ADAM12: variants seen among roughly 807,000 people sequenced by gnomAD.
The protein encoded by ADAM12 is ADAM metallopeptidase domain 12, also known as disintegrin and metalloproteinase domain-containing protein 12.
A neutral mutation model predicts 106.4 loss-of-function variants in ADAM12; 70 were observed. That is an observed-to-expected ratio of 0.66 (90% CI 0.54 to 0.80). The LOEUF (loss-of-function observed/expected upper bound fraction) is 0.80. ADAM12 is among the 30% of genes least tolerant of loss of function. The probability of loss-of-function intolerance (pLI) is 0.00; values close to 1 mark genes in which losing one functional copy is unlikely to be tolerated. For synonymous variants in ADAM12, 420 were observed against 433.5 expected, an observed-to-expected ratio of 0.97 and a Z score of 0.39; for missense variants, 1,010 against 1,171.9, an observed-to-expected ratio of 0.86 and a Z score of 2.02.
At chr10:126,374,548 AAAAGT>A (rs1856213020) in intron 1 of ADAM12, among the ~76,000 whole-genome samples, 1 of 152,244 alleles carries the variant, frequency 6.6e-6, no homozygotes, top group South Asian at 2.1e-4. Context: ...CCATACGTGA[AAAAGT>A]AAAGATATTG....
chr10:126,201,932 G>A (rs938472346), intron 3 of ADAM12, among the ~76,000 whole-genome samples: 12 of 152,314 alleles, frequency 7.9e-5, no homozygotes, highest in East Asian at 1.9e-4. Flanking sequence ...GTTCAGCAAC[G>A]TTGTCGTTCA....
At chr10:126,165,437 G>A (rs1040614731) in intron 3 of ADAM12, among the ~76,000 whole-genome samples, 15 of 152,230 alleles carry the variant, frequency 9.9e-5, no homozygotes, top group African/African-American at 3.4e-4. Flanking sequence ...GATTACAGGC[G>A]TGAGCCACGG....
intron 11 of ADAM12, among the ~76,000 whole-genome samples, chr10:126,072,887 A>G (rs1955025512): frequency 6.6e-6 from 1 of 152,146 alleles, no homozygotes; most frequent in South Asian, 2.1e-4. Flanking sequence ...ATCTCAATCA[A>G]TTGGCCAAAC....
At chr10:126,077,814 T>A (rs1054789428) in intron 11 of ADAM12, among the ~76,000 whole-genome samples, 1 of 152,178 alleles carries the variant, frequency 6.6e-6, no homozygotes, top group Non-Finnish European at 1.5e-5. Context: ...CCCACCTTTT[T>A]ATTTTTTTAA....
chr10:126,384,304 A>C (rs1213533550), intron 1 of ADAM12, among the ~76,000 whole-genome samples: 1 of 152,178 alleles, frequency 6.6e-6, no homozygotes, highest in Admixed American at 6.5e-5. Flanking sequence ...TTTGCAGCTG[A>C]AAGCATCCCT....
chr10:126,088,360 GC>G (rs1955396664), intron 11 of ADAM12, among the ~76,000 whole-genome samples: 1 of 152,084 alleles, frequency 6.6e-6, no homozygotes, highest in African/African-American at 2.4e-5. Flanking sequence ...CCTGTAGCAA[GC>G]TTGTCCTGAG....
intron 2 of ADAM12, among the ~76,000 whole-genome samples, chr10:126,322,878 T>A (rs1163646663): frequency 2.0e-5 from 3 of 152,154 alleles, no homozygotes; most frequent in African/African-American, 7.2e-5. Context: ...AGCTTTTACC[T>A]CTCCAAATCC....
intron 3 of ADAM12, among the ~76,000 whole-genome samples, chr10:126,268,732 G>A (rs146119493): frequency 1.3e-5 from 2 of 152,220 alleles, no homozygotes; most frequent in Non-Finnish European, 2.9e-5. Context: ...TCAAGATAAC[G>A]AGTTTGAAGT....
In ADAM12 at chr10:126,017,356, G is replaced by GA. The variant is rs541574979; in HGVS notation, c.2661-18dup. ...GGAGCAGGTCTGAATGAAGAGAGGA[G>GA]AAAAAAAAATGATCAGAGACCTTGA... On this transcript the variant is annotated splice_polypyrimidine_tract_variant and intron_variant, in intron 22 of 22. Transcript: ENST00000448723. 1.9e-3 allele frequency: 2,949 copies of GA among 1,536,286 alleles called. 7 individuals carry two copies. The highest frequency in any genetic ancestry group is 2.0e-3 in the Non-Finnish European group (2,278 of 1,134,696).
intron 21 of ADAM12, among the ~76,000 whole-genome samples, chr10:126,024,405 ATT>A (rs1391263154): frequency 2.6e-5 from 4 of 152,174 alleles, no homozygotes; most frequent in African/African-American, 9.6e-5. Context: ...ACTTTTCTAT[ATT>A]TTAAATATTT....
intron 3 of ADAM12, among the ~76,000 whole-genome samples, chr10:126,218,076 A>G (rs950917964): frequency 2.6e-5 from 4 of 151,956 alleles, no homozygotes; most frequent in African/African-American, 9.7e-5. Flanking sequence ...GGTACTAGGT[A>G]CTTCAGTCAC....
At chr10:126,155,619 C>T (rs1462303386) in intron 3 of ADAM12, among the ~76,000 whole-genome samples, 3 of 152,166 alleles carry the variant, frequency 2.0e-5, no homozygotes, top group Non-Finnish European at 4.4e-5. Flanking sequence ...TGCAAAGGCA[C>T]ACATTTGTCA....
chr10:126,031,611 T>G (rs1337545894), intron 21 of ADAM12, among the ~76,000 whole-genome samples: 1 of 152,228 alleles, frequency 6.6e-6, no homozygotes, highest in Non-Finnish European at 1.5e-5. Flanking sequence ...GGAAGAGGAA[T>G]TTGGACTTCC....
At position 126,319,871 on chromosome 10, in the gene ADAM12, T is replaced by C. The variant is rs75830209; in HGVS notation, c.186+10541A>G. 5.7e-4 allele frequency among the ~76,000 whole-genome samples: 87 copies of C among 152,320 alleles called. No homozygotes were observed. In the East Asian group the frequency reaches 0.015, roughly 26 times the overall value. ...TTTAAAGATCTAGCAAGAGCAGTCT[T>C]GGGAGGATGGAAGGGTGGGAATTGA... On this transcript the variant is annotated intron_variant, in intron 2 of 22. Transcript: ENST00000448723.
intron 1 of ADAM12, among the ~76,000 whole-genome samples, chr10:126,341,286 T>C (rs1328896275): frequency 6.6e-6 from 1 of 152,142 alleles, no homozygotes; most frequent in Non-Finnish European, 1.5e-5. Context: ...TAACAAGAGG[T>C]AGGGGCCTCG....
chr10:126,195,066 G>C (rs1208263098), intron 3 of ADAM12, among the ~76,000 whole-genome samples: 1 of 150,236 alleles, frequency 6.7e-6, no homozygotes, highest in Non-Finnish European at 1.5e-5. Flanking sequence ...ATCTTAAAAA[G>C]TTAACTCTTA....
At chr10:126,063,535 C>G (rs3812680) in intron 14 of ADAM12, among the ~76,000 whole-genome samples, 1 of 152,192 alleles carries the variant, frequency 6.6e-6, no homozygotes, top group African/African-American at 2.4e-5. Context: ...GTTTCCCTCC[C>G]GCTAGAGATC....
intron 18 of ADAM12, among the ~76,000 whole-genome samples, chr10:126,042,623 C>G (rs911814553): frequency 6.6e-6 from 1 of 152,184 alleles, no homozygotes; most frequent in Admixed American, 6.5e-5. Flanking sequence ...GTGACTGTCA[C>G]CTTTACTAAG....
intron 18 of ADAM12, chr10:126,042,355 G>T: frequency 7.5e-7 from 1 of 1,326,130 alleles, no homozygotes; most frequent in Non-Finnish European, 1.0e-6. Flanking sequence ...AAATGGCCAC[G>T]AGTTCAAGCA....
Sources: gnomAD v4.1 joint callset for allele counts (sites outside exome capture counted in the v4.1 genomes callset) on GRCh38, gnomAD v4.1.1 for gene constraint, MANE v1.5 for transcripts, NCBI Gene and HGNC (gene_info 2026-07-23, HGNC 2026-07-21) for gene names.